Variants in CFAP54 observed in about 807,000 individuals in gnomAD.
The protein encoded by CFAP54 is cilia and flagella associated protein 54, also known as cilia- and flagella-associated protein 54.
In CFAP54, 290 loss-of-function variants were observed where a neutral mutation model predicts 370.4. The ratio of observed to expected loss-of-function variants is 0.78; its 90% confidence interval spans 0.71 to 0.86. CFAP54 has a LOEUF of 0.86. CFAP54 is among the 40% of genes least tolerant of loss of function. The pLI is 0.00. For synonymous variants in CFAP54, 1,206 were observed against 1,236.5 expected, an observed-to-expected ratio of 0.98 and a Z score of 0.52; for missense variants, 3,399 against 3,528.7, an observed-to-expected ratio of 0.96 and a Z score of 0.93.
Position 96,744,118 on chromosome 12 carries a change from G to C in CFAP54, c.7656G>C (p.Met2552Ile), listed in dbSNP as rs995917850. The stretch of plus-strand genomic sequence containing the variant: ...AAAATATCTATCTTCCCCATGTCAT[G>C]TTATTGGCCAAAATAAAAATGAGAA... The part of the protein sequence containing the change: ...PLKNIYLPHV[M>I]LLAKIKMRIG... Residue 2552 changes from methionine to isoleucine, a missense_variant, in exon 55 of 68, where the codon ATG becomes ATC. Coordinates refer to ENST00000524981, the MANE Select transcript of CFAP54 (RefSeq NM_001306084.2). 1.9e-6 allele frequency: 3 copies of C among 1,608,414 alleles called. No homozygotes were observed. The African/African-American group carries it at 4.0e-5, about 22-fold the overall frequency.
chr12:96,673,944 T>C (rs976449578), intron 39 of CFAP54, among the ~76,000 whole-genome samples: 2 of 152,244 alleles, frequency 1.3e-5, no homozygotes, highest in Non-Finnish European at 2.9e-5. Flanking sequence ...TTTGGAGAAG[T>C]GAGAACACCT....
chr12:96,571,729 T>C (rs1182703480), intron 19 of CFAP54, among the ~76,000 whole-genome samples: 1 of 150,090 alleles, frequency 6.7e-6, no homozygotes, highest in Non-Finnish European at 1.5e-5. Context: ...TTGATTTTTT[T>C]TGGGGGATTT....
At chr12:96,736,549 C>T (rs1275209337) in intron 50 of CFAP54, among the ~76,000 whole-genome samples, 2 of 152,142 alleles carry the variant, frequency 1.3e-5, no homozygotes, top group Non-Finnish European at 2.9e-5. Context: ...ATGTTTGATG[C>T]TTTTCTTAGA....
chr12:96,630,063 C>A, intron 30 of CFAP54, 30 bp from the exon 31 acceptor site: 1 of 1,228,562 alleles, frequency 8.1e-7, no homozygotes, highest in Non-Finnish European at 1.1e-6. Context: ...TTTTGCAGGT[C>A]TTTTTGACTG....
At chr12:96,667,882 A>G (rs968449422) in intron 39 of CFAP54, among the ~76,000 whole-genome samples, 29 of 151,726 alleles carry the variant, frequency 1.9e-4, no homozygotes, top group African/African-American at 6.8e-4. Flanking sequence ...TGAACACTTT[A>G]CTCCTTAGAA....
At chr12:96,817,072 G>T (rs1465511471) in intron 64 of CFAP54, among the ~76,000 whole-genome samples, 2 of 152,078 alleles carry the variant, frequency 1.3e-5, no homozygotes, top group South Asian at 4.1e-4. Context: ...ATTCTTACCT[G>T]CAGGTCAGCG....
At chr12:96,615,294 A>G (rs1175349279) in intron 26 of CFAP54, among the ~76,000 whole-genome samples, 2 of 152,262 alleles carry the variant, frequency 1.3e-5, no homozygotes, top group African/African-American at 4.8e-5. Flanking sequence ...GGTGCTGGGA[A>G]AACTTGCTAG....
intron 65 of CFAP54, among the ~76,000 whole-genome samples, chr12:96,828,148 G>A (rs1042380773): frequency 6.8e-6 from 1 of 146,270 alleles, no homozygotes; most frequent in African/African-American, 2.5e-5. Context: ...TTGTGAAGTA[G>A]GCATAGTTAA....
chr12:96,570,684 A>T lies in CFAP54; in HGVS notation c.2620-5901A>T, dbSNP rs1955908153. ...GATTCTTGGGAAGATTCAAGTAATG[A>T]TGCATATAAAATGCTTAGTGTTCAG... On this transcript the variant is annotated intron_variant, in intron 19 of 67. Transcript: ENST00000524981. 2.0e-5 allele frequency among the ~76,000 whole-genome samples: 3 copies of T among 152,322 alleles called. No homozygotes were observed. In the South Asian group the frequency reaches 6.2e-4, roughly 32 times the overall value.
chr12:96,728,105 T>G (rs1396108857), intron 50 of CFAP54, among the ~76,000 whole-genome samples: 6 of 152,236 alleles, frequency 3.9e-5, no homozygotes, highest in South Asian at 4.1e-4. Context: ...TGGCTGCCCT[T>G]AACATTTCTC....
At chr12:96,699,244 AAGGTG>A (rs2136575641) in intron 45 of CFAP54, among the ~76,000 whole-genome samples, 1 of 152,328 alleles carries the variant, frequency 6.6e-6, no homozygotes, top group Admixed American at 6.5e-5. Context: ...CCCCGCAGAA[AAGGTG>A]GGGGTTTCCA....
chr12:96,745,970 C>T (rs559822163), intron 55 of CFAP54, among the ~76,000 whole-genome samples: 3 of 152,232 alleles, frequency 2.0e-5, no homozygotes, highest in South Asian at 2.1e-4. Context: ...AGTGGGAAAA[C>T]GGTGTATCAG....
rs775194909 is a variant in CFAP54 at position 96,679,689 on chromosome 12, T to C, written c.5653T>C (p.Tyr1885His). 1.9e-5 allele frequency: 30 copies of C among 1,613,848 alleles called. No homozygotes were observed. Among genetic ancestry groups the C allele is most frequent in the Non-Finnish European group, 2.2e-5 (26 of 1,179,910 alleles). ...CFRETLEKSK[Y>H]HNRSIRHSRK... ...TAGAGAGACACTGGAAAAATCCAAA[T>C]ACCATAACAGATCAATCCGACACAG... The change falls in exon 40 of 68, where the codon TAC becomes CAC. Residue 1885 changes from tyrosine (Y) to histidine (H), a missense_variant. Transcript: ENST00000524981.
rs763652728 is a variant in CFAP54 at position 96,651,622 on chromosome 12, T to C, written c.4907T>C (p.Leu1636Pro). Residue 1636 changes from leucine to proline, a missense_variant, in exon 36 of 68, where the codon CTT becomes CCT. Coordinates refer to ENST00000524981, the MANE Select transcript of CFAP54 (RefSeq NM_001306084.2). Reference protein sequence around the residue: ...LAHRGGYWTLLQNCCRALWNF... With the variant: ...LAHRGGYWTLPQNCCRALWNF... ...CATCGTGGTGGCTATTGGACTCTGC[T>C]TCAGAACTGCTGTCGGGCCTTATGG... 1 of 1,614,220 alleles carries C rather than the reference T, an allele frequency of 6.2e-7. No individual in the cohort carries two copies. The highest frequency in any genetic ancestry group is 8.5e-7 in the Non-Finnish European group (1 of 1,180,036).
At chr12:96,607,609 G>A (rs1956314711) in intron 26 of CFAP54, among the ~76,000 whole-genome samples, 1 of 152,074 alleles carries the variant, frequency 6.6e-6, no homozygotes, top group Non-Finnish European at 1.5e-5. Flanking sequence ...GAAGTCTGGA[G>A]GTAGAAAAGA....
Position 96,594,306 on chromosome 12 carries a change from G to C in CFAP54, c.3376G>C (p.Glu1126Gln). Residue 1126 changes from glutamate to glutamine, a missense_variant, in exon 25 of 68, where the codon GAA becomes CAA. Coordinates refer to ENST00000524981, the MANE Select transcript of CFAP54 (RefSeq NM_001306084.2). ...TTCTTTACAGATTGCCAGACTGATT[G>C]AATGTGAGAGAGTATTAGTGGCATT... ...FPSQQIARLIECERVLVALEL... is the reference protein window; with the variant it reads ...FPSQQIARLIQCERVLVALEL... The C allele has an allele frequency of 6.5e-7, 1 of 1,531,784 alleles. No individual in the cohort carries two copies. The highest frequency in any genetic ancestry group is 8.7e-7 in the Non-Finnish European group (1 of 1,144,054). 94.9% of individuals were successfully genotyped at this position (1,531,784 alleles called of 1,614,324 possible). A position where few individuals can be genotyped will look rare whatever the true frequency, so the allele number is the denominator to read the frequency against.
intron 63 of CFAP54, among the ~76,000 whole-genome samples, chr12:96,809,610 G>T (rs917314324): frequency 6.6e-6 from 1 of 152,002 alleles, no homozygotes; most frequent in Admixed American, 6.6e-5. Context: ...ATCTTATTCT[G>T]CAATTTCCCT....
intron 64 of CFAP54, among the ~76,000 whole-genome samples, chr12:96,816,764 G>A (rs1202276358): frequency 6.6e-6 from 1 of 152,176 alleles, no homozygotes; most frequent in East Asian, 1.9e-4. Flanking sequence ...GTAGTGTGGA[G>A]TCACTGGGGC....
chr12:96,685,843 C>T (rs918336346), intron 42 of CFAP54, among the ~76,000 whole-genome samples: 3 of 152,288 alleles, frequency 2.0e-5, no homozygotes, highest in South Asian at 4.1e-4. Context: ...TGAGCCACGG[C>T]GTCTGGCTCA....
Sources: allele counts gnomAD v4.1 joint callset (sites outside exome capture counted in the v4.1 genomes callset), GRCh38; gene constraint gnomAD v4.1.1; transcripts MANE v1.5; gene names NCBI Gene and HGNC (gene_info 2026-07-23, HGNC 2026-07-21).